The following LPP variants were observed in gnomAD, a reference collection of about 807,000 sequenced individuals.
The protein encoded by LPP is lipoma-preferred partner.
Under a neutral mutation model 60.4 loss-of-function variants are expected in LPP, and 38 were observed. That is an observed-to-expected ratio of 0.63 (90% CI 0.49 to 0.83). LPP has a LOEUF of 0.83. Ranked by LOEUF, LPP falls within the 40% of genes least tolerant of loss-of-function variation. The pLI is 0.00. For synonymous variants in LPP, 328 were observed against 290.8 expected (o/e 1.13, Z -1.30); for missense variants, 902 against 783.6 (o/e 1.15, Z -1.80).
In LPP at chr3:188,883,589, C is replaced by G. The variant is rs573234246; in HGVS notation, c.*9110C>G. The G allele has an allele frequency of 5.5e-6, 1 of 180,400 alleles. No individual in the cohort carries two copies. Among genetic ancestry groups the G allele is most frequent in the Non-Finnish European group, 1.2e-5 (1 of 84,574 alleles). The allele number at this position is 180,400 out of a possible 1,614,324, so 11.2% of individuals were successfully genotyped here. Reference sequence around the variant, plus strand: ...TACTAAAAAAAATACAAAAATTAGCCGGGCGTGTTGGCGGGCGCCTGTAGT... The same window carrying G: ...TACTAAAAAAAATACAAAAATTAGCGGGGCGTGTTGGCGGGCGCCTGTAGT... On this transcript the variant is annotated 3_prime_UTR_variant, in exon 12 of 12. Coordinates refer to ENST00000617246, the MANE Select transcript of LPP (RefSeq NM_001375462.1).
At chr3:188,240,218 T>G (rs143194340) in intron 2 of LPP, 1 of 178,014 alleles carries the variant, frequency 5.6e-6, no homozygotes, top group Non-Finnish European at 1.2e-5. Context: ...CATAAACTAA[T>G]TTAAAAATCC....
Position 188,866,295 on chromosome 3 carries a change from C to T in LPP, c.1506C>T (p.Cys502=), listed in dbSNP as rs780360674. ...GKAYHPHCFT[C]VMCHRSLDGI... is the part of the protein sequence containing the mutation. Reference sequence around the variant, plus strand: ...CCTATCATCCTCACTGTTTCACCTGCGTGATGTGCCACCGCAGCCTGGATG... The same window carrying T: ...CCTATCATCCTCACTGTTTCACCTGTGTGATGTGCCACCGCAGCCTGGATG... The change falls in exon 10 of 12, where the codon TGC becomes TGT. Residue 502 remains cysteine, a synonymous_variant. Transcript: ENST00000617246. The T allele has an allele frequency of 1.9e-5, 31 of 1,592,170 alleles. No individual in the cohort carries two copies. The highest frequency in any genetic ancestry group is 5.2e-5 in the Admixed American group (3 of 57,162).
chr3:188,288,831 A>ACCCC, intron 2 of LPP, among the ~76,000 whole-genome samples: 1 of 79,680 alleles, frequency 1.3e-5, no homozygotes, highest in Admixed American at 1.4e-4. Flanking sequence ...CCCCACCCCC[A>ACCCC]CCCCCCCGCC....
chr3:188,355,261 C>A (rs1271660459), intron 3 of LPP, among the ~76,000 whole-genome samples: 1 of 152,180 alleles, frequency 6.6e-6, no homozygotes, highest in African/African-American at 2.4e-5. Context: ...CCCGCCTCGG[C>A]CTCCCAAAGT....
rs557371708 is a variant in LPP, at chr3:188,246,341, A to C, written c.-67+20814A>C. ...AATTATCAGCCTCAATAACTTTCTA[A>C]AGCCTTTAGGAAGCAGATACCCTGC... is the stretch of plus-strand genomic sequence containing the variant. On this transcript the variant is annotated intron_variant, in intron 2 of 11. Coordinates refer to ENST00000617246, the MANE Select transcript of LPP (RefSeq NM_001375462.1). 3.9e-5 allele frequency among the ~76,000 whole-genome samples: 6 copies of C among 152,264 alleles called. 1 individual carries two copies. In the South Asian group the frequency reaches 1.2e-3, roughly 32 times the overall value.
At chr3:188,174,127 TAGAAC>T (rs1005818984) in intron 1 of LPP, among the ~76,000 whole-genome samples, 7 of 152,180 alleles carry the variant, frequency 4.6e-5, no homozygotes, top group Non-Finnish European at 1.0e-4. Flanking sequence ...ATTCTCCCCT[TAGAAC>T]TTATTTCAAG....
chr3:188,250,763 T>TG (rs1728963757), intron 2 of LPP, among the ~76,000 whole-genome samples: 1 of 120,810 alleles, frequency 8.3e-6, no homozygotes, highest in African/African-American at 3.8e-5. Flanking sequence ...TCTTTCTTTC[T>TG]TTCTTTCTTT....
chr3:188,705,454 A>G (rs1577111816), intron 7 of LPP, among the ~76,000 whole-genome samples: 1 of 152,064 alleles, frequency 6.6e-6, no homozygotes, highest in East Asian at 1.9e-4. Flanking sequence ...TTCGTCATTT[A>G]ATTTTATTCA....
At chr3:188,440,285 G>T (rs762313670) in intron 4 of LPP, among the ~76,000 whole-genome samples, 12 of 152,192 alleles carry the variant, frequency 7.9e-5, no homozygotes, top group Middle Eastern at 3.4e-3. Flanking sequence ...GTCCTCTTTC[G>T]TAAAAAAGAG....
chr3:188,668,087 A>G (rs959996194), intron 7 of LPP, among the ~76,000 whole-genome samples: 2 of 151,946 alleles, frequency 1.3e-5, no homozygotes, highest in Non-Finnish European at 2.9e-5. Flanking sequence ...TGCTTGCCAC[A>G]TTTCTCTGAC....
intron 5 of LPP, among the ~76,000 whole-genome samples, chr3:188,523,161 C>T (rs921777288): frequency 6.6e-6 from 1 of 152,030 alleles, no homozygotes; most frequent in African/African-American, 2.4e-5. Context: ...CCCGCCTTGG[C>T]CTCGAAACCT....
chr3:188,289,987 A>T (rs1374376915), intron 2 of LPP, among the ~76,000 whole-genome samples: 2 of 150,642 alleles, frequency 1.3e-5, no homozygotes, highest in Admixed American at 1.3e-4. Context: ...GTGCTCATAA[A>T]CATGCAGGGT....
At chr3:188,417,139 G>A (rs932109042) in intron 4 of LPP, among the ~76,000 whole-genome samples, 3 of 152,050 alleles carry the variant, frequency 2.0e-5, no homozygotes, top group Non-Finnish European at 4.4e-5. Context: ...GAGTCTTCTA[G>A]CAGTTTGCTC....
At chr3:188,411,823 A>G (rs987576794) in intron 4 of LPP, among the ~76,000 whole-genome samples, 1 of 152,160 alleles carries the variant, frequency 6.6e-6, no homozygotes, top group Non-Finnish European at 1.5e-5. Flanking sequence ...AAGCAAATGA[A>G]CTTTCCTACT....
At position 188,669,333 on chromosome 3, in the gene LPP, T is replaced by A. The variant is rs192326660; in HGVS notation, c.1114-38934T>A. 2.7e-3 allele frequency among the ~76,000 whole-genome samples: 409 copies of A among 152,042 alleles called. 1 individual carries two copies. Among genetic ancestry groups the A allele is most frequent in the Non-Finnish European group, 4.3e-3 (295 of 67,976 alleles). On this transcript the variant is annotated intron_variant, in intron 7 of 11. Coordinates refer to ENST00000617246, the MANE Select transcript of LPP (RefSeq NM_001375462.1). The stretch of plus-strand genomic sequence containing the variant: ...GGCTCACACCTGTAATCCCAGCACT[T>A]TGGGAGGTCGAGGCGGGCGGATCAC...
At chr3:188,581,971 C>CT (rs11380261) in intron 6 of LPP, among the ~76,000 whole-genome samples, 116,354 of 151,366 alleles carry the variant, frequency 0.77, 45,115 homozygotes, top group East Asian at 0.94. Context: ...CAGAGTTTCC[C>CT]TTTTGTACTT....
At chr3:188,288,248 T>G (rs1319838371) in intron 2 of LPP, among the ~76,000 whole-genome samples, 3 of 152,196 alleles carry the variant, frequency 2.0e-5, no homozygotes, top group African/African-American at 7.2e-5. Flanking sequence ...GGGAATAGAT[T>G]CCACTTGTGA....
chr3:188,816,198 CTTTTTT>C (rs34839724), intron 9 of LPP, among the ~76,000 whole-genome samples: 2 of 103,952 alleles, frequency 1.9e-5, no homozygotes, highest in African/African-American at 3.6e-5. Context: ...GCTTCCTTCT[CTTTTTT>C]TTTTTTTTTT....
At chr3:188,732,716 C>CAAAAAAAAAA (rs1167795146) in intron 8 of LPP, among the ~76,000 whole-genome samples, 1 of 74,346 alleles carries the variant, frequency 1.3e-5, no homozygotes, top group Admixed American at 1.7e-4. Flanking sequence ...AGACTCTTAT[C>CAAAAAAAAAA]AAAAAAAAAA....
Sources: allele counts gnomAD v4.1 joint callset (sites outside exome capture counted in the v4.1 genomes callset), GRCh38; gene constraint gnomAD v4.1.1; transcripts MANE v1.5; gene names NCBI Gene and HGNC (gene_info 2026-07-23, HGNC 2026-07-21).